Variants in RIT2 observed in about 807,000 individuals in gnomAD.
The protein encoded by RIT2 is Ras like without CAAX 2.
Under a neutral mutation model 23.7 loss-of-function variants are expected in RIT2, and 24 were observed. The observed-to-expected ratio is 1.01, with a 90% confidence interval of 0.73 to 1.43. The LOEUF (loss-of-function observed/expected upper bound fraction) is 1.43, where lower values mean the gene tolerates loss of function less well. Ranked by LOEUF, RIT2 falls within the 40% of genes most tolerant of loss-of-function variation. The pLI is 0.00. For missense variants in RIT2, 236 were observed against 266.9 expected, an observed-to-expected ratio of 0.88 and a Z score of 0.81; for synonymous variants, 107 against 91.1, an observed-to-expected ratio of 1.17 and a Z score of -0.99.
intron 1 of RIT2, among the ~76,000 whole-genome samples, chr18:43,101,259 C>T (rs1318315317): frequency 6.6e-6 from 1 of 152,072 alleles, no homozygotes; most frequent in African/African-American, 2.4e-5. Flanking sequence ...CATATTTCTT[C>T]ATCTTGGTAC....
intron 4 of RIT2, among the ~76,000 whole-genome samples, chr18:42,820,256 A>T (rs1401886448): frequency 6.6e-6 from 1 of 152,052 alleles, no homozygotes; most frequent in Non-Finnish European, 1.5e-5. Context: ...TAATCACTAC[A>T]TTTAAAGCAT....
intron 4 of RIT2, among the ~76,000 whole-genome samples, chr18:42,907,152 CTTAA>C (rs749389783): frequency 6.6e-6 from 1 of 151,996 alleles, no homozygotes; most frequent in African/African-American, 2.4e-5. Flanking sequence ...TAGTTTATCC[CTTAA>C]TTAAGTGCAT....
chr18:42,837,149 T>TTTTC (rs1906629673), intron 4 of RIT2, among the ~76,000 whole-genome samples: 1 of 121,700 alleles, frequency 8.2e-6, no homozygotes, highest in Non-Finnish European at 1.7e-5. Flanking sequence ...TTTTTTTTCT[T>TTTTC]TTTCTTTTTT....
chr18:42,917,632 A>G (rs1598713881), intron 4 of RIT2, among the ~76,000 whole-genome samples: 1 of 152,158 alleles, frequency 6.6e-6, no homozygotes, highest in Admixed American at 6.6e-5. Flanking sequence ...TCATACCACA[A>G]TTCTGCTCAA....
intron 1 of RIT2, among the ~76,000 whole-genome samples, chr18:43,063,987 A>C (rs190732167): frequency 2.3e-3 from 344 of 152,308 alleles, no homozygotes; most frequent in South Asian, 5.2e-3. Context: ...CAGATGAAAA[A>C]TTTACGTCCA....
intron 3 of RIT2, among the ~76,000 whole-genome samples, chr18:42,937,916 A>G (rs1909501818): frequency 6.6e-6 from 1 of 152,102 alleles, no homozygotes. Flanking sequence ...TTGAGAGGCA[A>G]ATGTAAGGTA....
intron 4 of RIT2, among the ~76,000 whole-genome samples, chr18:42,857,032 G>A (rs1346257363): frequency 6.6e-6 from 1 of 151,970 alleles, no homozygotes; most frequent in Non-Finnish European, 1.5e-5. Flanking sequence ...GTTTCACCAT[G>A]TTAGCCAGGA....
chr18:42,996,273 C>G (rs892565992), intron 2 of RIT2, among the ~76,000 whole-genome samples: 30 of 152,138 alleles, frequency 2.0e-4, no homozygotes, highest in Non-Finnish European at 4.3e-4. Context: ...TGCCCCTAAT[C>G]CCGCTCAAAG....
At chr18:42,762,790 T>C (rs1424933031) in intron 4 of RIT2, among the ~76,000 whole-genome samples, 3 of 152,230 alleles carry the variant, frequency 2.0e-5, no homozygotes, top group South Asian at 2.1e-4. Flanking sequence ...ATTAGCAACA[T>C]TTTTGTTGAT....
chr18:42,834,654 A>G (rs1906549893), intron 4 of RIT2, among the ~76,000 whole-genome samples: 1 of 152,174 alleles, frequency 6.6e-6, no homozygotes, highest in Admixed American at 6.5e-5. Flanking sequence ...ATTAATTTTT[A>G]CTGAGTAGTT....
intron 3 of RIT2, among the ~76,000 whole-genome samples, chr18:42,943,107 C>G (rs932914791): frequency 6.6e-6 from 1 of 152,006 alleles, no homozygotes; most frequent in East Asian, 1.9e-4. Context: ...GAAGGGGACC[C>G]GAACAGGTTG....
At chr18:42,925,605 C>T (rs1370683188) in intron 3 of RIT2, among the ~76,000 whole-genome samples, 2 of 151,658 alleles carry the variant, frequency 1.3e-5, no homozygotes, top group Non-Finnish European at 3.0e-5. Flanking sequence ...TCGTCTAGTC[C>T]TTTTTGAAAA....
At chr18:42,931,965 G>C (rs186432209) in intron 3 of RIT2, among the ~76,000 whole-genome samples, 271 of 152,166 alleles carry the variant, frequency 1.8e-3, no homozygotes, top group African/African-American at 6.2e-3. Context: ...CTCTGAAAAA[G>C]CTTCACCATC....
At chr18:43,088,891 C>T (rs578211381) in intron 1 of RIT2, among the ~76,000 whole-genome samples, 27 of 151,920 alleles carry the variant, frequency 1.8e-4, no homozygotes, top group Admixed American at 2.6e-4. Flanking sequence ...GTGTTAATTA[C>T]GGAAAAAACA....
intron 4 of RIT2, among the ~76,000 whole-genome samples, chr18:42,841,631 C>A (rs1598677911): frequency 6.6e-6 from 1 of 152,152 alleles, no homozygotes; most frequent in African/African-American, 2.4e-5. Flanking sequence ...AAGAACTGAA[C>A]TTCTCTGTGT....
intron 1 of RIT2, among the ~76,000 whole-genome samples, chr18:43,098,875 C>T (rs1208935602): frequency 6.6e-6 from 1 of 151,942 alleles, no homozygotes; most frequent in African/African-American, 2.4e-5. Flanking sequence ...CTTTTAAGCA[C>T]ATACTATACG....
intron 3 of RIT2, among the ~76,000 whole-genome samples, chr18:42,944,321 T>G (rs1283267774): frequency 1.3e-5 from 2 of 152,152 alleles, no homozygotes; most frequent in Admixed American, 6.6e-5. Context: ...GTATGCCATC[T>G]AGCAGACCAT....
At chr18:42,991,753 T>A (rs148018422) in intron 2 of RIT2, among the ~76,000 whole-genome samples, 2 of 152,210 alleles carry the variant, frequency 1.3e-5, no homozygotes, top group East Asian at 3.9e-4. Flanking sequence ...ACTGAGCACC[T>A]TGTGACCCCC....
At chr18:43,072,091 A>G (rs4461165) in intron 1 of RIT2, among the ~76,000 whole-genome samples, 19 of 152,006 alleles carry the variant, frequency 1.2e-4, no homozygotes, top group African/African-American at 4.4e-4. Flanking sequence ...GTGCAAGGGA[A>G]TCTCCTGCCT....
Sources: allele counts gnomAD v4.1 joint callset (sites outside exome capture counted in the v4.1 genomes callset), GRCh38; gene constraint gnomAD v4.1.1; transcripts MANE v1.5; gene names NCBI Gene and HGNC (gene_info 2026-07-23, HGNC 2026-07-21).